Variants in CDRT4 observed in about 807,000 individuals in gnomAD.
CDRT4 encodes CMT1A duplicated region transcript 4 protein.
For synonymous variants in CDRT4, 64 were observed against 69.6 expected (o/e 0.92, Z 0.40); for missense variants, 167 against 193.1 (o/e 0.87, Z 0.80).
chr17:15,459,467 C>CA (rs1163155968), intron 1 of CDRT4, among the ~76,000 whole-genome samples: 4 of 114,264 alleles, frequency 3.5e-5, no homozygotes, highest in African/African-American at 1.4e-4. Flanking sequence ...TTTTGTGAGA[C>CA]AGAGTCTCGC....
intron 2 of CDRT4, among the ~76,000 whole-genome samples, chr17:15,440,580 T>G (rs1034035310): frequency 6.6e-6 from 1 of 151,948 alleles, no homozygotes; most frequent in South Asian, 2.1e-4. Context: ...CTGGGGGCTG[T>G]GTGGAGGCTG....
intron 1 of CDRT4, among the ~76,000 whole-genome samples, chr17:15,458,682 C>T (rs1979601858): frequency 6.6e-6 from 1 of 152,168 alleles, no homozygotes; most frequent in African/African-American, 2.4e-5. Context: ...GATACACCAC[C>T]GAAGGCTTAT....
At chr17:15,441,165 T>G (rs148587288) in intron 2 of CDRT4, among the ~76,000 whole-genome samples, 5 of 152,312 alleles carry the variant, frequency 3.3e-5, no homozygotes, top group East Asian at 3.9e-4. Flanking sequence ...TACTATCACC[T>G]GCAAAAGCCC....
Position 15,437,084 on chromosome 17 carries a change from T to C in CDRT4, c.*689A>G, listed in dbSNP as rs1978525193. 6.6e-6 allele frequency: 1 copy of C among 152,344 alleles called. No individual in the cohort carries two copies. Among genetic ancestry groups the C allele is most frequent in the African/African-American group, 2.4e-5 (1 of 41,434 alleles). 9.4% of individuals were successfully genotyped at this position (152,344 alleles called of 1,614,324 possible). A position where few individuals can be genotyped will look rare whatever the true frequency, so the allele number is the denominator to read the frequency against. ...GCAGTGGCAACTCCTCCCAGAAACA[T>C]TTCAATGCAGTTTTTGGTTTTTCCA... On this transcript the variant is annotated 3_prime_UTR_variant, in exon 4 of 4. Coordinates refer to ENST00000619038, the MANE Select transcript of CDRT4 (RefSeq NM_001204477.2).
At chr17:15,441,918 A>C (rs1978780768) in intron 2 of CDRT4, among the ~76,000 whole-genome samples, 1 of 152,136 alleles carries the variant, frequency 6.6e-6, no homozygotes, top group Admixed American at 6.5e-5. Flanking sequence ...AGAAAGTTTC[A>C]TGTCATCATT....
intron 1 of CDRT4, among the ~76,000 whole-genome samples, chr17:15,455,752 G>A (rs544725175): frequency 6.6e-6 from 1 of 152,186 alleles, no homozygotes; most frequent in Non-Finnish European, 1.5e-5. Flanking sequence ...TCAACAGCCT[G>A]TGAGGAGCTT....
At chr17:15,446,209 C>T (rs529287534) in intron 2 of CDRT4, among the ~76,000 whole-genome samples, 104 of 152,062 alleles carry the variant, frequency 6.8e-4, no homozygotes, top group Admixed American at 2.0e-3. Flanking sequence ...TGCTGACTCC[C>T]TGAACTTCAA....
intron 3 of CDRT4, among the ~76,000 whole-genome samples, chr17:15,439,877 G>A (rs756120980): frequency 6.6e-5 from 10 of 152,054 alleles, no homozygotes; most frequent in Middle Eastern, 3.2e-3. Flanking sequence ...ACTCCTAGGT[G>A]GGAATTGAAC....
chr17:15,456,917 C>G (rs1305284643), intron 1 of CDRT4, among the ~76,000 whole-genome samples: 3 of 152,142 alleles, frequency 2.0e-5, no homozygotes, highest in Non-Finnish European at 4.4e-5. Flanking sequence ...ATTGTTAAAG[C>G]CATTGATTTA....
chr17:15,462,734 G>A (rs1979813826), intron 1 of CDRT4, among the ~76,000 whole-genome samples: 1 of 152,078 alleles, frequency 6.6e-6, no homozygotes. Flanking sequence ...CAAAATATAG[G>A]GTTTAGAAAT....
intron 1 of CDRT4, among the ~76,000 whole-genome samples, chr17:15,454,607 T>A (rs1445303250): frequency 6.6e-6 from 1 of 152,150 alleles, no homozygotes; most frequent in Non-Finnish European, 1.5e-5. Context: ...CTATTTCTCT[T>A]CTCAGATCAT....
rs114619472 is a variant in CDRT4 at position 15,443,921 on chromosome 17, C to T, written c.-47-3636G>A. ...AGTTGAGGTCTGTGTATGCTCACTTCCCCATCAATGTTGTTATCCAGGAGA... is the reference window on the plus strand; with the variant it reads ...AGTTGAGGTCTGTGTATGCTCACTTTCCCATCAATGTTGTTATCCAGGAGA... On this transcript the variant is annotated intron_variant, in intron 2 of 3. Transcript: ENST00000619038. 3,966 of 654,932 alleles carry T rather than the reference C, an allele frequency of 6.1e-3. 87 individuals are homozygous for T. Among genetic ancestry groups the T allele is most frequent in the Admixed American group, 0.044 (2,389 of 54,446 alleles). 40.6% of individuals were successfully genotyped at this position (654,932 alleles called of 1,614,324 possible). A position where few individuals can be genotyped will look rare whatever the true frequency, so the allele number is the denominator to read the frequency against.
In CDRT4 at chr17:15,450,009, G is replaced by T. The variant is rs1979193158; in HGVS notation, c.-48+2995C>A. Among the ~76,000 whole-genome samples the T allele has an allele frequency of 6.6e-6, 1 of 152,120 alleles. No individual in the cohort carries two copies. The highest frequency in any genetic ancestry group is 2.1e-4 in the South Asian group (1 of 4,816). On this transcript the variant is annotated intron_variant, in intron 2 of 3. Transcript: ENST00000619038. This position sits in a 1 kb window ranked among gnomAD's most constrained non-coding sequence, Gnocchi z 4.2. ...CATGACTGCTATTATGAATAGTGCT[G>T]GGATAAACATATGAGTGCAGGTGTC...
intron 1 of CDRT4, among the ~76,000 whole-genome samples, chr17:15,456,431 T>C (rs1256497510): frequency 6.6e-6 from 1 of 152,164 alleles, no homozygotes. Context: ...GGCACCAAAA[T>C]GACTTTGTGA....
intron 1 of CDRT4, among the ~76,000 whole-genome samples, chr17:15,462,006 C>T (rs1010972773): frequency 3.3e-5 from 5 of 152,136 alleles, no homozygotes; most frequent in Admixed American, 2.0e-4. Flanking sequence ...ACAGCAGATT[C>T]GAGTCCCTTA....
chr17:15,461,605 A>G (rs1422956483), intron 1 of CDRT4, among the ~76,000 whole-genome samples: 1 of 152,200 alleles, frequency 6.6e-6, no homozygotes, highest in Non-Finnish European at 1.5e-5. Flanking sequence ...TGGAGTAAGC[A>G]CCAGGAATCT....
chr17:15,465,296 G>GAC (rs1567615877), intron 1 of CDRT4, among the ~76,000 whole-genome samples: 1 of 93,900 alleles, frequency 1.1e-5, no homozygotes, highest in East Asian at 8.8e-4. Flanking sequence ...ACCAACACCA[G>GAC]ACACACCAAC....
chr17:15,460,027 C>G (rs1021485872), intron 1 of CDRT4, among the ~76,000 whole-genome samples: 1 of 152,172 alleles, frequency 6.6e-6, no homozygotes, highest in Admixed American at 6.5e-5. Flanking sequence ...CATCTGCAAA[C>G]TCATCACAGT....
intron 2 of CDRT4, among the ~76,000 whole-genome samples, chr17:15,448,411 C>T (rs186154822): frequency 3.3e-5 from 5 of 152,320 alleles, no homozygotes; most frequent in Admixed American, 2.6e-4. Flanking sequence ...GTCACAATTA[C>T]ATTGAGAAAT....
Sources: gnomAD v4.1 joint callset for allele counts (sites outside exome capture counted in the v4.1 genomes callset) on GRCh38, gnomAD v4.1.1 for gene constraint, Gnocchi (gnomAD v3.1) non-coding constraint, MANE v1.5 for transcripts, NCBI Gene and HGNC (gene_info 2026-07-23, HGNC 2026-07-21) for gene names.